KIT: variants seen among roughly 807,000 people sequenced by gnomAD.
KIT encodes mast/stem cell growth factor receptor Kit.
A neutral mutation model predicts 105.7 loss-of-function variants in KIT; 16 were observed. That is an observed-to-expected ratio of 0.15 (90% CI 0.10 to 0.23). The LOEUF is 0.23. KIT is among the 10% of genes least tolerant of loss of function. KIT has a pLI of 1.00. For missense variants in KIT, 858 were observed against 1,213.8 expected (o/e 0.71, Z 4.36); for synonymous variants, 438 against 441.1 (o/e 0.99, Z 0.09).
intron 1 of KIT, among the ~76,000 whole-genome samples, chr4:54,667,440 A>G (rs1717784172): frequency 6.6e-6 from 1 of 152,186 alleles, no homozygotes; most frequent in African/African-American, 2.4e-5. Context: ...GATTTGTAAT[A>G]AGATTTAAGT....
chr4:54,670,910 A>G (rs560850113), intron 1 of KIT, among the ~76,000 whole-genome samples: 1 of 152,280 alleles, frequency 6.6e-6, no homozygotes, highest in African/African-American at 2.4e-5. Context: ...CTGTTCATTC[A>G]TCAAACCTAA....
chr4:54,666,372 C>G (rs577073272), intron 1 of KIT, among the ~76,000 whole-genome samples: 1 of 152,146 alleles, frequency 6.6e-6, no homozygotes, highest in East Asian at 1.9e-4. Context: ...CTCCACCTCC[C>G]GGGTTCAAGT....
At chr4:54,679,883 C>A (rs1718778766) in intron 1 of KIT, among the ~76,000 whole-genome samples, 1 of 152,064 alleles carries the variant, frequency 6.6e-6, no homozygotes, top group Non-Finnish European at 1.5e-5. Flanking sequence ...ACCTTGCAGA[C>A]CTTATATTGA....
chr4:54,715,531 A>G (rs1315934360), intron 7 of KIT, among the ~76,000 whole-genome samples: 1 of 152,052 alleles, frequency 6.6e-6, no homozygotes, highest in African/African-American at 2.4e-5. Context: ...TCACATGGCA[A>G]GAGAGGAGGA....
chr4:54,687,493 A>G (rs1719400335), intron 1 of KIT, among the ~76,000 whole-genome samples: 1 of 152,108 alleles, frequency 6.6e-6, no homozygotes, highest in Non-Finnish European at 1.5e-5. Flanking sequence ...ATGAAAAAGC[A>G]TTGCTCTGTA....
chr4:54,696,146 G>A lies in KIT; in HGVS notation c.337+365G>A, dbSNP rs117710112. On this transcript the variant is annotated intron_variant, in intron 2 of 20. Coordinates refer to ENST00000288135, the MANE Select transcript of KIT (RefSeq NM_000222.3). ...CCACTTAGTAAAAACACTTCAGGGA[G>A]CCGAAGGCCTCTCAAAGCCTAACCA... is the stretch of plus-strand genomic sequence containing the variant. Among the ~76,000 whole-genome samples the A allele has an allele frequency of 8.6e-4, 131 of 152,078 alleles. 2 individuals are homozygous for A. In the East Asian group the frequency reaches 0.02, roughly 23 times the overall value.
At position 54,738,817 on chromosome 4, in the gene KIT, A is replaced by C; in HGVS notation, c.*260A>C. The C allele has an allele frequency of 1.6e-6, 1 of 606,404 alleles. No homozygotes were observed. The allele number at this position is 606,404 out of a possible 1,614,324, so 37.6% of individuals were successfully genotyped here. Reference sequence around the variant, plus strand: ...AGAAAACATTCTGATTTGGAAAAAGAGAGGGAGGTATGGACTGGGGGCCAG... The same window carrying C: ...AGAAAACATTCTGATTTGGAAAAAGCGAGGGAGGTATGGACTGGGGGCCAG... On this transcript the variant is annotated 3_prime_UTR_variant, in exon 21 of 21. Transcript: ENST00000288135.
chr4:54,693,138 C>T (rs893987514), intron 1 of KIT, among the ~76,000 whole-genome samples: 2 of 152,196 alleles, frequency 1.3e-5, no homozygotes, highest in African/African-American at 4.8e-5. Flanking sequence ...GAGAGGTCTG[C>T]ATTTGCAGCT....
At position 54,727,406 on chromosome 4, in the gene KIT, C is replaced by T. The variant is rs1198418224; in HGVS notation, c.1648-10C>T. 1.2e-6 allele frequency: 2 copies of T among 1,614,012 alleles called. No individual in the cohort carries two copies. The highest frequency in any genetic ancestry group is 1.7e-6 in the Non-Finnish European group (2 of 1,179,998). The stretch of plus-strand genomic sequence containing the variant: ...TAAAAGGTGATCTATTTTTCCCTTT[C>T]TCCCCACAGAAACCCATGTATGAAG... On this transcript the variant is annotated splice_polypyrimidine_tract_variant and intron_variant, in intron 10 of 20. Coordinates refer to ENST00000288135, the MANE Select transcript of KIT (RefSeq NM_000222.3).
rs541771331 is a variant in KIT, at chr4:54,738,642, C to A, written c.*85C>A. The stretch of plus-strand genomic sequence containing the variant: ...GGTTATTTTCTTTTCTTTCAACTTG[C>A]ATCCAACTCCAGGATAGTGGGCACC... On this transcript the variant is annotated 3_prime_UTR_variant, in exon 21 of 21. Coordinates refer to ENST00000288135, the MANE Select transcript of KIT (RefSeq NM_000222.3). The A allele has an allele frequency of 1.3e-6, 2 of 1,532,808 alleles. No homozygotes were observed. The highest frequency in any genetic ancestry group is 1.7e-5 in the Admixed American group (1 of 59,946). 95.0% of individuals were successfully genotyped at this position (1,532,808 alleles called of 1,614,324 possible).
chr4:54,669,481 G>C (rs1478805599), intron 1 of KIT, among the ~76,000 whole-genome samples: 1 of 152,162 alleles, frequency 6.6e-6, no homozygotes, highest in African/African-American at 2.4e-5. Flanking sequence ...GGTACAGCAG[G>C]GGTACTTAAC....
Position 54,725,853 on chromosome 4 carries a change from T to G in KIT, c.1347-4T>G. The G allele has an allele frequency of 1.2e-6, 2 of 1,613,948 alleles. No individual in the cohort carries two copies. The highest frequency in any genetic ancestry group is 1.7e-6 in the Non-Finnish European group (2 of 1,179,896). ...AGCCAGGGCTTTTGTTTTCTTCCCT[T>G]TAGATGCTCTGCTTCTGTACTGCCA... is the stretch of plus-strand genomic sequence containing the variant. On this transcript the variant is annotated splice_region_variant and splice_polypyrimidine_tract_variant and intron_variant, in intron 8 of 20. Transcript: ENST00000288135.
At chr4:54,690,062 G>T (rs369346011) in intron 1 of KIT, among the ~76,000 whole-genome samples, 2 of 138,532 alleles carry the variant, frequency 1.4e-5, no homozygotes, top group East Asian at 2.0e-4. Context: ...TTTTTGTGGG[G>T]GGGGGGGGCT....
intron 1 of KIT, among the ~76,000 whole-genome samples, chr4:54,683,868 A>G (rs1458863550): frequency 6.6e-6 from 1 of 152,216 alleles, no homozygotes; most frequent in Non-Finnish European, 1.5e-5. Context: ...GGTTGCACTA[A>G]AATGAATCTC....
At chr4:54,677,085 C>T (rs924605458) in intron 1 of KIT, among the ~76,000 whole-genome samples, 7 of 152,110 alleles carry the variant, frequency 4.6e-5, no homozygotes, top group Non-Finnish European at 1.5e-5. Flanking sequence ...GTGGGGAATT[C>T]TTGCCCTCTT....
chr4:54,658,731 CG>C (rs1424579475), intron 1 of KIT, among the ~76,000 whole-genome samples: 1 of 151,662 alleles, frequency 6.6e-6, no homozygotes, highest in Admixed American at 6.5e-5. Context: ...GCTGGGAGTG[CG>C]CGGCGTGGGG....
rs756268006 is a variant in KIT, at chr4:54,680,385, C to CTTTTT, written c.68-15111_68-15107dup. On this transcript the variant is annotated intron_variant, in intron 1 of 20. Coordinates refer to ENST00000288135, the MANE Select transcript of KIT (RefSeq NM_000222.3). ...TTATGTCTTGAAGTTTTCATTCGTC[C>CTTTTT]TTTTTTTTTTTTTTTTTTTTAATGA... is the stretch of plus-strand genomic sequence containing the variant. Among the ~76,000 whole-genome samples, 164 of 102,646 alleles carry CTTTTT rather than the reference C, an allele frequency of 1.6e-3. 3 individuals carry two copies. The highest frequency in any genetic ancestry group is 5.8e-3 in the African/African-American group (154 of 26,342). 67.3% of individuals were successfully genotyped at this position (102,646 alleles called of 152,430 possible). A position where few individuals can be genotyped will look rare whatever the true frequency, so the allele number is the denominator to read the frequency against.
intron 17 of KIT, among the ~76,000 whole-genome samples, chr4:54,735,067 A>C (rs977184872): frequency 1.3e-5 from 2 of 152,158 alleles, no homozygotes; most frequent in African/African-American, 4.8e-5. Flanking sequence ...ACCTATAAAG[A>C]CTTAATAGGA....
chr4:54,718,670 C>T (rs1721654880), intron 7 of KIT, among the ~76,000 whole-genome samples: 1 of 152,078 alleles, frequency 6.6e-6, no homozygotes, highest in South Asian at 2.1e-4. Context: ...TTGCTGAGCC[C>T]TAGTTGAGAA....
Sources: gnomAD v4.1 joint callset for allele counts (sites outside exome capture counted in the v4.1 genomes callset) on GRCh38, gnomAD v4.1.1 for gene constraint, MANE v1.5 for transcripts, NCBI Gene and HGNC (gene_info 2026-07-23, HGNC 2026-07-21) for gene names.